Variants in MIPEP observed in about 807,000 individuals in gnomAD.
MIPEP encodes mitochondrial intermediate peptidase.
In MIPEP, 79 loss-of-function variants were observed where a neutral mutation model predicts 90.3. That is an observed-to-expected ratio of 0.87 (90% CI 0.73 to 1.05). MIPEP has a LOEUF of 1.05. Among genes scored for constraint, MIPEP ranks in the 50% least tolerant of loss-of-function variants. MIPEP has a pLI of 0.00. For missense variants in MIPEP, 940 were observed against 905.6 expected (o/e 1.04, Z -0.49); for synonymous variants, 334 against 315.8 (o/e 1.06, Z -0.61).
chr13:23,862,244 T>C (rs1451953782), intron 9 of MIPEP, 58 bp downstream of exon 9: 1 of 1,038,878 alleles, frequency 9.6e-7, no homozygotes, highest in Non-Finnish European at 1.5e-6. Flanking sequence ...AATCAAAAGA[T>C]ATTGATTTCA....
At chr13:23,809,291 T>C (rs539913670) in intron 15 of MIPEP, among the ~76,000 whole-genome samples, 2 of 152,156 alleles carry the variant, frequency 1.3e-5, no homozygotes, top group Non-Finnish European at 2.9e-5. Flanking sequence ...ATGTGTGATT[T>C]AGAAGTTGTG....
chr13:23,827,836 C>T (rs1278261063), intron 14 of MIPEP, among the ~76,000 whole-genome samples: 6 of 152,106 alleles, frequency 3.9e-5, no homozygotes, highest in Admixed American at 2.0e-4. Context: ...GAGGCTGAGG[C>T]GGGAGAATCA....
At chr13:23,846,286 A>G (rs1869534414) in intron 10 of MIPEP, among the ~76,000 whole-genome samples, 1 of 152,156 alleles carries the variant, frequency 6.6e-6, no homozygotes, top group African/African-American at 2.4e-5. Context: ...CAGAATGCAT[A>G]CAATGGGGGA....
intron 14 of MIPEP, among the ~76,000 whole-genome samples, chr13:23,820,776 C>A (rs985749156): frequency 5.9e-5 from 9 of 152,316 alleles, no homozygotes; most frequent in Admixed American, 3.9e-4. Context: ...AATGCCCCAT[C>A]AGAGTGTGCA....
chr13:23,748,793 G>A (rs1033575727), intron 18 of MIPEP, among the ~76,000 whole-genome samples: 7 of 152,196 alleles, frequency 4.6e-5, no homozygotes, highest in African/African-American at 9.6e-5. Flanking sequence ...CTTTGAGCAC[G>A]TTCTGGCATT....
chr13:23,776,770 G>T (rs9553061), intron 16 of MIPEP, among the ~76,000 whole-genome samples: 125,090 of 151,728 alleles, frequency 0.82, 51,606 homozygotes, highest in Admixed American at 0.85. Flanking sequence ...CTGTGCACCA[G>T]TATCTACTAA....
At chr13:23,861,978 C>CA (rs1870326251) in intron 9 of MIPEP, among the ~76,000 whole-genome samples, 1 of 152,158 alleles carries the variant, frequency 6.6e-6, no homozygotes, top group Admixed American at 6.5e-5. Flanking sequence ...ATGAAGCCTC[C>CA]ACTGAGTCTC....
At chr13:23,861,621 G>A (rs1870309232) in intron 9 of MIPEP, among the ~76,000 whole-genome samples, 1 of 152,126 alleles carries the variant, frequency 6.6e-6, no homozygotes, top group Non-Finnish European at 1.5e-5. Flanking sequence ...CAGCAACTAA[G>A]TCAAGAACTA....
intron 14 of MIPEP, among the ~76,000 whole-genome samples, chr13:23,827,627 A>G (rs1469231107): frequency 1.3e-5 from 2 of 152,274 alleles, no homozygotes; most frequent in Non-Finnish European, 2.9e-5. Flanking sequence ...AAAAATCATA[A>G]GCAATCCCTC....
At chr13:23,780,791 G>T (rs1952773191) in intron 16 of MIPEP, among the ~76,000 whole-genome samples, 1 of 152,232 alleles carries the variant, frequency 6.6e-6, no homozygotes, top group East Asian at 1.9e-4. Flanking sequence ...TACGGCACAA[G>T]AACTACGTGA....
At chr13:23,758,172 C>T (rs897963991) in intron 17 of MIPEP, among the ~76,000 whole-genome samples, 1 of 152,176 alleles carries the variant, frequency 6.6e-6, no homozygotes, top group Non-Finnish European at 1.5e-5. Context: ...TGACTCCCGA[C>T]CTGGGGTGCT....
rs113190814 is a variant in MIPEP, at chr13:23,848,293, G to T, written c.1107-6805C>A. 2.6e-3 allele frequency among the ~76,000 whole-genome samples: 390 copies of T among 152,260 alleles called. 2 individuals carry two copies. Among genetic ancestry groups the T allele is most frequent in the Middle Eastern group, 0.017 (5 of 294 alleles). On this transcript the variant is annotated intron_variant, in intron 10 of 18. Coordinates refer to ENST00000382172, the MANE Select transcript of MIPEP (RefSeq NM_005932.4). The stretch of plus-strand genomic sequence containing the variant: ...GACAGGGACAAGACTAAACCCAGCG[G>T]TTTCTACTTCTATTCCAGTTCCCTT...
intron 16 of MIPEP, among the ~76,000 whole-genome samples, chr13:23,802,959 T>C (rs1357520781): frequency 1.3e-5 from 2 of 152,208 alleles, no homozygotes; most frequent in African/African-American, 4.8e-5. Context: ...GGGTATTAAA[T>C]GTATTTTTGA....
chr13:23,811,980 CG>C (rs1463306967), intron 14 of MIPEP, among the ~76,000 whole-genome samples: 1 of 152,098 alleles, frequency 6.6e-6, no homozygotes, highest in Non-Finnish European at 1.5e-5. Flanking sequence ...TTGCTGTTCT[CG>C]GTGCATTAGC....
At chr13:23,862,480 C>T (rs1381000961) in intron 8 of MIPEP, 118 bp from the exon 9 acceptor site, 2 of 613,742 alleles carry the variant, frequency 3.3e-6, no homozygotes, top group East Asian at 2.9e-5. Context: ...ATTAGTAGTG[C>T]ACACATAAAT....
chr13:23,746,344 C>T (rs1184981585), intron 18 of MIPEP, among the ~76,000 whole-genome samples: 2 of 151,510 alleles, frequency 1.3e-5, no homozygotes, highest in African/African-American at 4.8e-5. Flanking sequence ...TTAAGAACAC[C>T]ATCTATAGGC....
At chr13:23,845,236 G>A (rs529732691) in intron 10 of MIPEP, among the ~76,000 whole-genome samples, 14 of 152,100 alleles carry the variant, frequency 9.2e-5, no homozygotes, top group African/African-American at 3.4e-4. Context: ...TAAAGCTCTA[G>A]CCTGTTTTCT....
chr13:23,829,720 C>T (rs1425728555), intron 14 of MIPEP, among the ~76,000 whole-genome samples: 1 of 152,018 alleles, frequency 6.6e-6, no homozygotes, highest in Non-Finnish European at 1.5e-5. Flanking sequence ...GGCAGGAGGA[C>T]TGCTTGAACC....
intron 16 of MIPEP, among the ~76,000 whole-genome samples, chr13:23,780,978 T>C (rs560712389): frequency 5.2e-4 from 79 of 152,308 alleles, no homozygotes; most frequent in African/African-American, 1.4e-3. Context: ...CTACGTCTGA[T>C]TGGTGTACCT....
Sources: gnomAD v4.1 joint callset for allele counts (sites outside exome capture counted in the v4.1 genomes callset) on GRCh38, gnomAD v4.1.1 for gene constraint, MANE v1.5 for transcripts, NCBI Gene and HGNC (gene_info 2026-07-23, HGNC 2026-07-21) for gene names.